Variants in DLC1 observed in about 807,000 individuals in gnomAD.
DLC1 encodes DLC1 Rho GTPase activating protein, also known as rho GTPase-activating protein 7.
A neutral mutation model predicts 140.3 loss-of-function variants in DLC1; 54 were observed. The observed-to-expected ratio is 0.38, with a 90% CI of 0.31 to 0.48. DLC1 has a LOEUF of 0.48. Among genes scored for constraint, DLC1 ranks in the 20% least tolerant of loss-of-function variants. The probability of loss-of-function intolerance (pLI) is 0.96; values close to 1 mark genes in which losing one functional copy is unlikely to be tolerated. For synonymous variants in DLC1, 986 were observed against 728.1 expected, an observed-to-expected ratio of 1.35 and a Z score of -5.70; for missense variants, 2,536 against 1,907.0, an observed-to-expected ratio of 1.33 and a Z score of -6.14.
chr8:13,461,606 GTTTA>G (rs1799661775), intron 2 of DLC1, among the ~76,000 whole-genome samples: 2 of 152,064 alleles, frequency 1.3e-5, no homozygotes, highest in African/African-American at 2.4e-5. Context: ...ATTATTATTG[GTTTA>G]TTTATTTACT....
intron 4 of DLC1, among the ~76,000 whole-genome samples, chr8:13,322,234 C>A (rs974212415): frequency 6.6e-6 from 1 of 152,126 alleles, no homozygotes; most frequent in Admixed American, 6.6e-5. Flanking sequence ...GTACCCACTG[C>A]TGTTGAATAC....
At chr8:13,344,220 G>A (rs73203944) in intron 4 of DLC1, among the ~76,000 whole-genome samples, 8,391 of 152,300 alleles carry the variant, frequency 0.055, 290 homozygotes, top group South Asian at 0.14. Context: ...CAGCCTGGCC[G>A]TGGTGGTTCA....
At chr8:13,448,215 C>T (rs893519661) in intron 2 of DLC1, among the ~76,000 whole-genome samples, 15 of 152,138 alleles carry the variant, frequency 9.9e-5, no homozygotes, top group African/African-American at 3.6e-4. Flanking sequence ...CTGTGCGTAT[C>T]TGCTTACACT....
intron 2 of DLC1, among the ~76,000 whole-genome samples, chr8:13,489,449 A>ACC (rs56002951): frequency 1.3e-5 from 2 of 149,910 alleles, no homozygotes; most frequent in Non-Finnish European, 3.0e-5. Flanking sequence ...ACACACACAC[A>ACC]AAATGTTGCT....
intron 5 of DLC1, among the ~76,000 whole-genome samples, chr8:13,219,463 G>T (rs1009578675): frequency 6.7e-4 from 55 of 82,418 alleles, no homozygotes; most frequent in Non-Finnish European, 2.8e-4. Context: ...AACAGGAATA[G>T]AATTGCTGGG....
intron 5 of DLC1, among the ~76,000 whole-genome samples, chr8:13,282,625 CTAT>C: frequency 6.6e-6 from 1 of 151,954 alleles, no homozygotes; most frequent in Non-Finnish European, 1.5e-5. Flanking sequence ...TATTTTATTC[CTAT>C]TATATTTTAA....
intron 4 of DLC1, among the ~76,000 whole-genome samples, chr8:13,369,757 T>A (rs1321953029): frequency 6.6e-6 from 1 of 151,976 alleles, no homozygotes; most frequent in Non-Finnish European, 1.5e-5. Context: ...TCCTGCCTGG[T>A]CTCCTGGATC....
chr8:13,370,974 C>T (rs1423312301), intron 4 of DLC1, among the ~76,000 whole-genome samples: 1 of 152,054 alleles, frequency 6.6e-6, no homozygotes, highest in Non-Finnish European at 1.5e-5. Context: ...ATGTGGGTGA[C>T]GTACTCTATT....
In DLC1 at chr8:13,342,626, C is replaced by G. The variant is rs1313210221; in HGVS notation, c.1315-37324G>C. On this transcript the variant is annotated intron_variant, in intron 4 of 17. Transcript: ENST00000276297. ...AACATAGAAATCCTGCTTGGAAATT[C>G]AAGGAATTGGGACTAAAGACTGCAA... The G allele has an allele frequency of 2.0e-5, 3 of 152,224 alleles. No homozygotes were observed. In the East Asian group the frequency reaches 5.8e-4, roughly 29 times the overall value. 9.4% of individuals were successfully genotyped at this position (152,224 alleles called of 1,614,324 possible).
At chr8:13,480,533 C>T (rs964802857) in intron 2 of DLC1, among the ~76,000 whole-genome samples, 1 of 152,102 alleles carries the variant, frequency 6.6e-6, no homozygotes, top group African/African-American at 2.4e-5. Flanking sequence ...CTGCTATGGT[C>T]TTTGAATCTT....
chr8:13,287,901 A>G (rs58961835), intron 5 of DLC1, among the ~76,000 whole-genome samples: 2,428 of 152,114 alleles, frequency 0.016, 71 homozygotes, highest in African/African-American at 0.054. Context: ...TTTAGGAAAT[A>G]GAATTTCTTA....
At chr8:13,459,739 C>A (rs558174227) in intron 2 of DLC1, among the ~76,000 whole-genome samples, 1 of 152,252 alleles carries the variant, frequency 6.6e-6, no homozygotes, top group Admixed American at 6.5e-5. Context: ...TAAATAGTGA[C>A]CCCTTTGATT....
intron 5 of DLC1, among the ~76,000 whole-genome samples, chr8:13,223,833 A>T (rs1045930473): frequency 6.6e-6 from 1 of 152,150 alleles, no homozygotes; most frequent in Non-Finnish European, 1.5e-5. Flanking sequence ...ACTGTTTTTA[A>T]TTTTTCAGTG....
intron 5 of DLC1, among the ~76,000 whole-genome samples, chr8:13,243,220 C>G (rs1221939093): frequency 4.3e-5 from 6 of 140,764 alleles, no homozygotes; most frequent in Non-Finnish European, 9.0e-5. Flanking sequence ...AACCCAGGAG[C>G]TGGAGGTTGC....
chr8:13,240,054 C>T (rs17792424), intron 5 of DLC1, among the ~76,000 whole-genome samples: 4,382 of 152,124 alleles, frequency 0.029, 108 homozygotes, highest in Non-Finnish European at 0.042. Context: ...ACAGTAGACA[C>T]GTGGGAACAA....
At chr8:13,355,448 C>T (rs1417409805) in intron 4 of DLC1, among the ~76,000 whole-genome samples, 1 of 152,196 alleles carries the variant, frequency 6.6e-6, no homozygotes, top group African/African-American at 2.4e-5. Flanking sequence ...TCTCACAGTT[C>T]TGGAAACTGG....
intron 5 of DLC1, among the ~76,000 whole-genome samples, chr8:13,258,749 C>T (rs1228196473): frequency 6.6e-6 from 1 of 152,108 alleles, no homozygotes; most frequent in Non-Finnish European, 1.5e-5. Context: ...ATTTCATTTC[C>T]TGTTTGTACG....
chr8:13,130,864 T>A (rs1198107568), intron 5 of DLC1, among the ~76,000 whole-genome samples: 1 of 152,218 alleles, frequency 6.6e-6, no homozygotes, highest in Non-Finnish European at 1.5e-5. Flanking sequence ...AAAAGCAAAC[T>A]TTTCAAAACA....
intron 5 of DLC1, among the ~76,000 whole-genome samples, chr8:13,200,173 G>C (rs1208975767): frequency 6.6e-6 from 1 of 151,996 alleles, no homozygotes; most frequent in African/African-American, 2.4e-5. Flanking sequence ...CTCCTGAGTA[G>C]CTGGAATTAC....
Sources: allele counts gnomAD v4.1 joint callset (sites outside exome capture counted in the v4.1 genomes callset), GRCh38; gene constraint gnomAD v4.1.1; transcripts MANE v1.5; gene names NCBI Gene and HGNC (gene_info 2026-07-23, HGNC 2026-07-21).